CRB1: variants seen among roughly 807,000 people sequenced by gnomAD.
The protein encoded by CRB1 is protein crumbs homolog 1.
A neutral mutation model predicts 120.0 loss-of-function variants in CRB1; 83 were observed. That is an observed-to-expected ratio of 0.69 (90% CI 0.58 to 0.83). The LOEUF (loss-of-function observed/expected upper bound fraction) is 0.83, where lower values mean the gene tolerates loss of function less well. CRB1 is among the 40% of genes least tolerant of loss of function. CRB1 has a pLI of 0.00. For synonymous variants in CRB1, 625 were observed against 612.5 expected (o/e 1.02, Z -0.30); for missense variants, 1,699 against 1,687.6 (o/e 1.01, Z -0.12).
chr1:197,393,759 G>C (rs1314974103), intron 5 of CRB1, among the ~76,000 whole-genome samples: 3 of 151,758 alleles, frequency 2.0e-5, no homozygotes, highest in Non-Finnish European at 4.4e-5. Context: ...AACAAGAATA[G>C]AGTTTTTATA....
rs189395222 is a variant in CRB1 at position 197,421,825 on chromosome 1, T to A, written c.1997T>A (p.Val666Asp). 6.2e-7 allele frequency: 1 copy of A among 1,614,206 alleles called. No individual in the cohort carries two copies. Among genetic ancestry groups the A allele is most frequent in the East Asian group, 2.2e-5 (1 of 44,880 alleles). ...ENISSGSSLN[V>D]KAGCVRKDWC... is the part of the protein sequence containing the mutation. ...ATCTCGTCTGGCTCATCATTAAATG[T>A]CAAGGCAGGCTGTGTGAGAAAGGAT... is the stretch of plus-strand genomic sequence containing the variant. The change falls in exon 6 of 12, where the codon GTC becomes GAC. Residue 666 changes from valine to aspartate, a missense_variant. By Grantham distance (152) the Val-to-Asp change is radical (BLOSUM62 -3). Coordinates refer to ENST00000367400, the MANE Select transcript of CRB1 (RefSeq NM_201253.3).
intron 5 of CRB1, among the ~76,000 whole-genome samples, chr1:197,373,514 A>C (rs1297839118): frequency 6.6e-6 from 1 of 152,172 alleles, no homozygotes; most frequent in African/African-American, 2.4e-5. Context: ...TTTTCAAAAT[A>C]AGTTTACATA....
intron 5 of CRB1, among the ~76,000 whole-genome samples, chr1:197,392,670 T>G (rs2125417005): frequency 1.3e-5 from 2 of 152,256 alleles, no homozygotes; most frequent in Middle Eastern, 6.8e-3. Context: ...AACATAAAAC[T>G]ATGGGGCTCT....
chr1:197,227,857 C>T, the CRB1 span, among the ~76,000 whole-genome samples: 64 of 152,308 alleles, frequency 4.2e-4, no homozygotes, highest in African/African-American at 1.3e-3. Context: ...CAGGCATTTC[C>T]GTACATCTTC....
intron 5 of CRB1, among the ~76,000 whole-genome samples, chr1:197,367,854 C>T (rs1661158358): frequency 6.6e-6 from 1 of 152,176 alleles, no homozygotes; most frequent in Non-Finnish European, 1.5e-5. Flanking sequence ...CCTATGAAGT[C>T]CTGGCTTCAA....
At chr1:197,217,843 G>A in the CRB1 span, among the ~76,000 whole-genome samples, 1 of 152,240 alleles carries the variant, frequency 6.6e-6, no homozygotes, top group East Asian at 1.9e-4. Context: ...AACAGTATAA[G>A]AGACTGTAAC....
intron 3 of CRB1, among the ~76,000 whole-genome samples, chr1:197,346,272 C>T (rs2786103): frequency 0.83 from 125,786 of 151,424 alleles, 52,568 homozygotes; most frequent in African/African-American, 0.92. Context: ...CTATGAGATA[C>T]ATTGGAAAAT....
intron 1 of CRB1, among the ~76,000 whole-genome samples, chr1:197,327,729 T>G (rs1168900412): frequency 6.6e-6 from 1 of 152,182 alleles, no homozygotes; most frequent in East Asian, 1.9e-4. Flanking sequence ...GCAGAGGTTT[T>G]CAAATTGCTG....
intron 11 of CRB1, chr1:197,447,392 T>A (rs775159813): frequency 9.9e-5 from 15 of 152,238 alleles, no homozygotes; most frequent in South Asian, 2.1e-4. Context: ...AACATAATTA[T>A]GCAATTGTGT....
In CRB1 at chr1:197,303,920, C is replaced by A. The variant is rs141197146; in HGVS notation, c.71-24502C>A. 5.1e-3 allele frequency among the ~76,000 whole-genome samples: 771 copies of A among 152,004 alleles called. 10 individuals are homozygous for A. Among genetic ancestry groups the A allele is most frequent in the African/African-American group, 0.017 (723 of 41,454 alleles). ...GGAGTGTAGCATGAGCCCAGGAGTT[C>A]GAGGTTGTAATGAACTATGATCATG... On this transcript the variant is annotated intron_variant, in intron 1 of 11. Coordinates refer to ENST00000367400, the MANE Select transcript of CRB1 (RefSeq NM_201253.3).
chr1:197,326,275 T>G, intron 1 of CRB1, among the ~76,000 whole-genome samples: 1 of 152,176 alleles, frequency 6.6e-6, no homozygotes, highest in East Asian at 1.9e-4. Context: ...TTATCACAAC[T>G]CAAATTCCAT....
intron 1 of CRB1, among the ~76,000 whole-genome samples, chr1:197,269,620 A>AGTGCTGTG (rs1217429799): frequency 1.3e-5 from 2 of 152,106 alleles, no homozygotes; most frequent in Non-Finnish European, 2.9e-5. Context: ...GAGGAAGAGA[A>AGTGCTGTG]GTGCTGTGTT....
chr1:197,299,763 A>G (rs1296042246), intron 1 of CRB1, among the ~76,000 whole-genome samples: 1 of 152,130 alleles, frequency 6.6e-6, no homozygotes, highest in East Asian at 1.9e-4. Context: ...TCCATAGACC[A>G]TGATGTGCTA....
chr1:197,281,842 C>T (rs1655537512), intron 1 of CRB1, among the ~76,000 whole-genome samples: 3 of 151,672 alleles, frequency 2.0e-5, no homozygotes, highest in South Asian at 2.1e-4. Context: ...TGAATTGTTA[C>T]AATTTAAATC....
At chr1:197,215,399 T>C in the CRB1 span, among the ~76,000 whole-genome samples, 1 of 151,162 alleles carries the variant, frequency 6.6e-6, no homozygotes, top group African/African-American at 2.4e-5. Flanking sequence ...TGCCTCAGCC[T>C]CCTGAGTAGC....
intron 1 of CRB1, among the ~76,000 whole-genome samples, chr1:197,290,460 T>G (rs967436357): frequency 6.6e-6 from 1 of 151,662 alleles, no homozygotes; most frequent in Non-Finnish European, 1.5e-5. Flanking sequence ...AAGATTATTT[T>G]TTAGGCCTTC....
chr1:197,467,403 T>G (rs545345587), intron 11 of CRB1, among the ~76,000 whole-genome samples: 1 of 152,238 alleles, frequency 6.6e-6, no homozygotes, highest in African/African-American at 2.4e-5. Context: ...TAGTATCTCT[T>G]AAGAAAGAAG....
rs752719776 is a variant in CRB1, at chr1:197,435,145, A to G, written c.3282A>G (p.Gln1094=). ...DRAIDNIKGL[Q]GCLSTIEIGG... ...CTATTGACAATATAAAGGGCCTGCA[A>G]GGGTGTCTAAGTACAATAGAAATCG... Residue 1094 remains glutamine, a synonymous_variant, in exon 9 of 12, where the codon CAA becomes CAG. Transcript: ENST00000367400. 1.1e-5 allele frequency: 18 copies of G among 1,613,918 alleles called. No homozygotes were observed. In the South Asian group the frequency reaches 1.6e-4, roughly 15 times the overall value.
At chr1:197,266,790 C>A (rs576027436), upstream of CRB1, among the ~76,000 whole-genome samples, 3 of 152,206 alleles carry the variant, frequency 2.0e-5, no homozygotes, top group South Asian at 2.1e-4. Context: ...ATTAAAGACA[C>A]CCTAACAGAA....
Sources: allele counts gnomAD v4.1 joint callset (sites outside exome capture counted in the v4.1 genomes callset), GRCh38; gene constraint gnomAD v4.1.1; transcripts MANE v1.5; gene names NCBI Gene and HGNC (gene_info 2026-07-23, HGNC 2026-07-21).